The following TNIK variants were observed in gnomAD, a reference collection of about 807,000 sequenced individuals.
TNIK encodes TRAF2 and NCK-interacting protein kinase.
TNIK carries 49 observed loss-of-function variants against 191.3 expected under a neutral mutation model. That is an observed-to-expected ratio of 0.26 (90% CI 0.20 to 0.32). The LOEUF is 0.32. Among genes scored for constraint, TNIK ranks in the 10% least tolerant of loss-of-function variants. The probability of loss-of-function intolerance (pLI) is 1.00; values close to 1 mark genes in which losing one functional copy is unlikely to be tolerated. For missense variants in TNIK, 1,155 were observed against 1,702.3 expected (o/e 0.68, Z 5.66); for synonymous variants, 594 against 600.9 (o/e 0.99, Z 0.17).
intron 5 of TNIK, among the ~76,000 whole-genome samples, chr3:171,191,885 G>A (rs1230282419): frequency 1.3e-5 from 2 of 152,124 alleles, no homozygotes; most frequent in Admixed American, 6.5e-5. Context: ...ATCTAAAAAT[G>A]GAGTCTTAAA....
intron 1 of TNIK, among the ~76,000 whole-genome samples, chr3:171,433,934 T>C (rs1725683252): frequency 7.0e-6 from 1 of 143,116 alleles, no homozygotes; most frequent in African/African-American, 2.6e-5. Flanking sequence ...TCTTTTCTTT[T>C]TCCTTTTTTT....
intron 2 of TNIK, among the ~76,000 whole-genome samples, chr3:171,307,478 T>C (rs1028240054): frequency 6.6e-6 from 1 of 152,192 alleles, no homozygotes; most frequent in African/African-American, 2.4e-5. Context: ...CTCAGAAGTC[T>C]AACCTAATCT....
At chr3:171,079,064 G>T (rs1448508526) in intron 28 of TNIK, among the ~76,000 whole-genome samples, 5 of 152,040 alleles carry the variant, frequency 3.3e-5, no homozygotes, top group African/African-American at 1.2e-4. Context: ...ATTCCCCTGG[G>T]GCCTTAGTTC....
At chr3:171,128,526 T>A (rs191796458) in intron 16 of TNIK, among the ~76,000 whole-genome samples, 188 bp downstream of exon 16, 23 of 152,254 alleles carry the variant, frequency 1.5e-4, no homozygotes, top group African/African-American at 5.5e-4. Context: ...AGGGTGATGC[T>A]TTTTTCTTTC....
chr3:171,087,240 G>C, intron 24 of TNIK, 102 bp downstream of exon 24: 2 of 1,514,340 alleles, frequency 1.3e-6, no homozygotes, highest in Non-Finnish European at 1.8e-6. Flanking sequence ...AACCAAACAA[G>C]TTTCAAGGAG....
intron 10 of TNIK, among the ~76,000 whole-genome samples, chr3:171,161,800 G>A (rs1312482374): frequency 2.0e-5 from 3 of 151,678 alleles, no homozygotes; most frequent in African/African-American, 4.8e-5. Flanking sequence ...GGTGCCTGTA[G>A]TCCCAGCTAC....
chr3:171,101,727 A>G, intron 21 of TNIK, 94 bp from the exon 22 acceptor site: 1 of 1,294,942 alleles, frequency 7.7e-7, no homozygotes, highest in Non-Finnish European at 1.1e-6. Context: ...GCAACAAGAA[A>G]AAAAAAAGCT....
intron 1 of TNIK, among the ~76,000 whole-genome samples, chr3:171,448,674 G>A (rs115603520): frequency 0.011 from 1,607 of 150,564 alleles, 30 homozygotes; most frequent in African/African-American, 0.037. Flanking sequence ...AGCATTTTGA[G>A]AAACTGTCAA....
intron 2 of TNIK, among the ~76,000 whole-genome samples, chr3:171,323,403 T>C (rs1755387395): frequency 1.3e-5 from 2 of 152,158 alleles, no homozygotes. Context: ...GCTTAAAAAT[T>C]ACTTGTAATG....
chr3:171,401,051 G>A (rs1013412665), intron 1 of TNIK, among the ~76,000 whole-genome samples: 1 of 152,146 alleles, frequency 6.6e-6, no homozygotes, highest in Admixed American at 6.5e-5. Flanking sequence ...AAGAATACAG[G>A]GAAAAGGGGG....
chr3:171,266,489 A>G (rs1748420358), intron 2 of TNIK, among the ~76,000 whole-genome samples: 1 of 152,196 alleles, frequency 6.6e-6, no homozygotes, highest in Admixed American at 6.5e-5. Context: ...CCCCCAACCC[A>G]GGCTGTCACC....
At chr3:171,232,574 GTAAAACTGA>G (rs1743790850) in intron 2 of TNIK, among the ~76,000 whole-genome samples, 1 of 152,124 alleles carries the variant, frequency 6.6e-6, no homozygotes, top group Non-Finnish European at 1.5e-5. Flanking sequence ...ATCTAGAAAA[GTAAAACTGA>G]TATTCTGATA....
chr3:171,242,198 A>T (rs548332125), intron 2 of TNIK, among the ~76,000 whole-genome samples: 1 of 151,986 alleles, frequency 6.6e-6, no homozygotes, highest in East Asian at 1.9e-4. Context: ...TTTTTGAACC[A>T]AAGAGAACAT....
At chr3:171,436,788 C>T (rs1726081866) in intron 1 of TNIK, among the ~76,000 whole-genome samples, 1 of 152,186 alleles carries the variant, frequency 6.6e-6, no homozygotes, top group Non-Finnish European at 1.5e-5. Flanking sequence ...CATTCATTTA[C>T]ATGCCTTGAT....
intron 2 of TNIK, among the ~76,000 whole-genome samples, chr3:171,362,155 C>T (rs139568943): frequency 1.3e-5 from 2 of 152,312 alleles, no homozygotes; most frequent in East Asian, 1.9e-4. Flanking sequence ...CAAAGTTCCA[C>T]AGTGCTGCAA....
At chr3:171,439,950 G>A (rs913086967) in intron 1 of TNIK, among the ~76,000 whole-genome samples, 10 of 152,166 alleles carry the variant, frequency 6.6e-5, no homozygotes, top group Admixed American at 6.6e-4. Flanking sequence ...CAGCTGCTCC[G>A]AGGGAAGGGC....
intron 20 of TNIK, 49 bp downstream of exon 20, chr3:171,108,016 T>C (rs1313372544): frequency 1.3e-6 from 2 of 1,539,490 alleles, no homozygotes; most frequent in South Asian, 1.2e-5. Flanking sequence ...ATCCTGTGGG[T>C]TCTCTGGTAA....
intron 22 of TNIK, among the ~76,000 whole-genome samples, chr3:171,096,463 G>T (rs190614526): frequency 1.1e-3 from 164 of 152,126 alleles, no homozygotes; most frequent in Non-Finnish European, 1.9e-3. Flanking sequence ...TCTAGTTCTT[G>T]CCTGTCTCAC....
intron 23 of TNIK, among the ~76,000 whole-genome samples, chr3:171,092,117 T>C (rs891437339): frequency 1.1e-4 from 16 of 151,988 alleles, no homozygotes; most frequent in African/African-American, 3.6e-4. Flanking sequence ...GCCTGGCTAA[T>C]TTTTTTATTT....
Sources: gnomAD v4.1 joint callset for allele counts (sites outside exome capture counted in the v4.1 genomes callset) on GRCh38, gnomAD v4.1.1 for gene constraint, MANE v1.5 for transcripts, NCBI Gene and HGNC (gene_info 2026-07-23, HGNC 2026-07-21) for gene names.